The following KIAA1217 variants were observed in gnomAD, a reference collection of about 807,000 sequenced individuals.
KIAA1217 encodes the protein KIAA1217, also known as sickle tail protein homolog.
A neutral mutation model predicts 163.9 loss-of-function variants in KIAA1217; 88 were observed. The ratio of observed to expected loss-of-function variants is 0.54; its 90% CI spans 0.45 to 0.64. The LOEUF is 0.64. KIAA1217 is among the 30% of genes least tolerant of loss of function. The pLI is 0.00. For missense variants in KIAA1217, 2,372 were observed against 2,475.0 expected, an observed-to-expected ratio of 0.96 and a Z score of 0.88; for synonymous variants, 903 against 923.1, an observed-to-expected ratio of 0.98 and a Z score of 0.39.
Position 24,546,093 on chromosome 10 carries a change from C to T in KIAA1217, c.5601C>T (p.Leu1867=), listed in dbSNP as rs771825170. Residue 1867 remains leucine, a synonymous_variant, in exon 21 of 21, where the codon CTC becomes CTT. Transcript: ENST00000376454. ...ATGGCTCTTTGAAGTTTCAGAGCCT[C>T]ACTCATACAGGTAAAGGTCACCATC... ...VSNGSLKFQS[L]THTGKGHHLS... 10 of 1,614,194 alleles carry T rather than the reference C, an allele frequency of 6.2e-6. No homozygotes were observed. In the Admixed American group the frequency reaches 1.7e-4, roughly 27 times the overall value.
At chr10:24,291,135 T>TGGACAACAAAGACCCACGATAA (rs1330559193) in intron 2 of KIAA1217, among the ~76,000 whole-genome samples, 1 of 152,226 alleles carries the variant, frequency 6.6e-6, no homozygotes, top group Non-Finnish European at 1.5e-5. Context: ...GGTTGTCTTG[T>TGGACAACAAAGACCCACGATAA]GGACAACAAA....
In KIAA1217 at chr10:23,898,110, T is replaced by TA. The variant is rs1589036766; in HGVS notation, c.-320-109114dup. 2.0e-5 allele frequency among the ~76,000 whole-genome samples: 3 copies of TA among 151,980 alleles called. No individual in the cohort carries two copies. The East Asian group carries it at 5.8e-4, about 29-fold the overall frequency. On this transcript the variant is annotated intron_variant, in intron 1 of 18. Coordinates refer to the KIAA1217 transcript ENST00000376462. ...TAAGGGAGTCTAAGAAAACAGTGGCTACTCATATTTTACTGAACAAGCTGC... is the reference window on the plus strand; with the variant it reads ...TAAGGGAGTCTAAGAAAACAGTGGCTAACTCATATTTTACTGAACAAGCTGC...
At chr10:24,420,758 G>A (rs958026088) in intron 3 of KIAA1217, among the ~76,000 whole-genome samples, 2 of 152,054 alleles carry the variant, frequency 1.3e-5, no homozygotes, top group African/African-American at 4.8e-5. Flanking sequence ...CAATTTTCCC[G>A]ACACTATTTA....
chr10:23,957,864 T>G (rs977011414), intron 1 of KIAA1217, among the ~76,000 whole-genome samples: 7 of 152,178 alleles, frequency 4.6e-5, no homozygotes, highest in African/African-American at 1.7e-4. Flanking sequence ...GTTGCATAAT[T>G]AATTTGCAAC....
At chr10:24,193,283 A>G (rs1688209104) in intron 2 of KIAA1217, among the ~76,000 whole-genome samples, 2 of 152,220 alleles carry the variant, frequency 1.3e-5, no homozygotes, top group African/African-American at 4.8e-5. Flanking sequence ...CTCAGTAAAG[A>G]TACAAATCTT....
intron 2 of KIAA1217, among the ~76,000 whole-genome samples, chr10:24,314,597 G>T (rs1261633970): frequency 6.6e-6 from 1 of 152,186 alleles, no homozygotes; most frequent in African/African-American, 2.4e-5. Context: ...AATTTCCATG[G>T]TTGTTGATGG....
chr10:23,857,923 T>C (rs1041544573), intron 1 of KIAA1217, among the ~76,000 whole-genome samples: 4 of 151,470 alleles, frequency 2.6e-5, no homozygotes, highest in Non-Finnish European at 5.9e-5. Context: ...TATTAAGTTA[T>C]ATGTCAAAAA....
At chr10:24,455,321 T>G (rs1226263409) in intron 5 of KIAA1217, among the ~76,000 whole-genome samples, 3 of 152,206 alleles carry the variant, frequency 2.0e-5, no homozygotes, top group African/African-American at 7.2e-5. Flanking sequence ...CCAAATATAA[T>G]TTTATATTTT....
chr10:24,183,236 A>C (rs985114791), intron 2 of KIAA1217, among the ~76,000 whole-genome samples: 2 of 152,238 alleles, frequency 1.3e-5, no homozygotes, highest in African/African-American at 4.8e-5. Flanking sequence ...GATGAGCTAA[A>C]TAAACCTCTT....
intron 2 of KIAA1217, among the ~76,000 whole-genome samples, chr10:24,351,832 C>T (rs896850070): frequency 2.6e-5 from 4 of 152,196 alleles, no homozygotes; most frequent in South Asian, 2.1e-4. Context: ...TTGCAGGGTG[C>T]GGCCAGCAGG....
At position 24,304,916 on chromosome 10, in the gene KIAA1217, A is replaced by G. The variant is rs534039338; in HGVS notation, c.355-75953A>G. On this transcript the variant is annotated intron_variant, in intron 2 of 20. Transcript: ENST00000376454. The stretch of plus-strand genomic sequence containing the variant: ...AAGGTACTTATGGGCTATGCTAAGG[A>G]GTATGGAAAATGGGGAGTATTCAAA... Among the ~76,000 whole-genome samples the G allele has an allele frequency of 1.2e-3, 184 of 152,224 alleles. 1 individual carries two copies. Among genetic ancestry groups the G allele is most frequent in the Non-Finnish European group, 1.7e-3 (117 of 68,012 alleles).
At chr10:23,942,840 G>A (rs1016391929) in intron 1 of KIAA1217, among the ~76,000 whole-genome samples, 2 of 151,758 alleles carry the variant, frequency 1.3e-5, no homozygotes, top group Non-Finnish European at 2.9e-5. Flanking sequence ...TGGGCACAGC[G>A]CTCATGCCTG....
At chr10:24,354,426 A>C (rs964719344) in intron 2 of KIAA1217, among the ~76,000 whole-genome samples, 5 of 151,988 alleles carry the variant, frequency 3.3e-5, no homozygotes, top group African/African-American at 1.2e-4. Flanking sequence ...GGTGCCTGCA[A>C]CTCTCAAAGC....
intron 1 of KIAA1217, among the ~76,000 whole-genome samples, chr10:23,707,545 A>G (rs559047339): frequency 6.6e-6 from 1 of 152,186 alleles, no homozygotes; most frequent in Non-Finnish European, 1.5e-5. Context: ...ATGGCCACAT[A>G]CAGGGTGGAA....
chr10:23,723,483 C>A (rs1837972732), intron 1 of KIAA1217, among the ~76,000 whole-genome samples: 1 of 152,098 alleles, frequency 6.6e-6, no homozygotes, highest in Non-Finnish European at 1.5e-5. Flanking sequence ...GTGGTCTCTT[C>A]TAAGAAAAAA....
At chr10:24,423,274 T>C (rs16924738) in intron 3 of KIAA1217, among the ~76,000 whole-genome samples, 7,283 of 150,462 alleles carry the variant, frequency 0.048, 416 homozygotes, top group Middle Eastern at 0.14. Context: ...CTCACACTTA[T>C]GAGTCTTTAA....
Position 23,934,557 on chromosome 10 carries a change from GTATATATA to G in KIAA1217, c.-320-72642_-320-72635del, listed in dbSNP as rs778185120. 7.8e-3 allele frequency among the ~76,000 whole-genome samples: 347 copies of G among 44,334 alleles called. 13 individuals are homozygous for G. The highest frequency in any genetic ancestry group is 0.074 in the South Asian group (104 of 1,400). 29.1% of individuals were successfully genotyped at this position (44,334 alleles called of 152,430 possible). ...AAAAATATATTAAGTGGTCTTTAAA[GTATATATA>G]TATATATATATATATATATATATAT... On this transcript the variant is annotated intron_variant, in intron 1 of 18. Coordinates refer to the KIAA1217 transcript ENST00000376462.
rs11014079 is a variant in KIAA1217, at chr10:24,398,718, C to G, written c.553+17651C>G. On this transcript the variant is annotated intron_variant, in intron 3 of 20. Coordinates refer to ENST00000376454, the MANE Select transcript of KIAA1217 (RefSeq NM_019590.5). ...GCCCGCATGCACAGTGACCTGCTAACACTTAAGAGTTGAGCGTGCACAGTG... is the reference window on the plus strand; with the variant it reads ...GCCCGCATGCACAGTGACCTGCTAAGACTTAAGAGTTGAGCGTGCACAGTG... 7.0e-4 allele frequency among the ~76,000 whole-genome samples: 107 copies of G among 152,216 alleles called. 4 individuals carry two copies. The East Asian group carries it at 0.02, about 29-fold the overall frequency.
chr10:23,995,805 G>T (rs1195623874), intron 1 of KIAA1217, among the ~76,000 whole-genome samples: 1 of 152,176 alleles, frequency 6.6e-6, no homozygotes, highest in Non-Finnish European at 1.5e-5. Flanking sequence ...CAGTAAAAAT[G>T]GAGCCCTTAT....
Sources: gnomAD v4.1 joint callset for allele counts (sites outside exome capture counted in the v4.1 genomes callset) on GRCh38, gnomAD v4.1.1 for gene constraint, MANE v1.5 for transcripts, NCBI Gene and HGNC (gene_info 2026-07-23, HGNC 2026-07-21) for gene names.